Variants in MYO3A observed in about 807,000 individuals in gnomAD.
The protein encoded by MYO3A is myosin IIIA.
In MYO3A, 180 loss-of-function variants were observed where a neutral mutation model predicts 192.7. The observed-to-expected ratio is 0.93, with a 90% CI of 0.83 to 1.06. MYO3A has a LOEUF of 1.06. MYO3A is among the 50% of genes least tolerant of loss of function. The pLI, the probability that MYO3A is intolerant of heterozygous loss-of-function variation, is 0.00. For missense variants in MYO3A, 1,896 were observed against 1,905.0 expected (o/e 1.00, Z 0.09); for synonymous variants, 628 against 645.3 (o/e 0.97, Z 0.41).
intron 4 of MYO3A, among the ~76,000 whole-genome samples, chr10:25,976,935 C>T (rs1015551756): frequency 5.3e-5 from 8 of 151,872 alleles, no homozygotes; most frequent in Non-Finnish European, 7.4e-5. Context: ...CCTAATTATA[C>T]GGTATTTACT....
chr10:26,039,782 C>G (rs976850833), intron 10 of MYO3A, among the ~76,000 whole-genome samples: 1 of 152,006 alleles, frequency 6.6e-6, no homozygotes, highest in African/African-American at 2.4e-5. Flanking sequence ...TTTTCTTAGT[C>G]TGGCTAAAGG....
intron 10 of MYO3A, among the ~76,000 whole-genome samples, chr10:26,034,242 C>T (rs1588828824): frequency 6.6e-6 from 1 of 152,156 alleles, no homozygotes; most frequent in African/African-American, 2.4e-5. Flanking sequence ...TTGGTCCCAA[C>T]TTTGTTTAAT....
At chr10:26,061,618 G>T (rs1467090589) in intron 10 of MYO3A, among the ~76,000 whole-genome samples, 1 of 152,212 alleles carries the variant, frequency 6.6e-6, no homozygotes, top group East Asian at 1.9e-4. Flanking sequence ...TCCATGCCAA[G>T]AAAGTTTTAA....
At chr10:26,200,492 A>T (rs1843632611) in intron 32 of MYO3A, among the ~76,000 whole-genome samples, 1 of 152,250 alleles carries the variant, frequency 6.6e-6, no homozygotes, top group African/African-American at 2.4e-5. Flanking sequence ...ACATGTAAAT[A>T]GATGAGCTCA....
chr10:26,096,477 C>T lies in MYO3A; in HGVS notation c.1659C>T (p.Pro553=). 6.2e-7 allele frequency: 1 copy of T among 1,611,866 alleles called. No individual in the cohort carries two copies. Among genetic ancestry groups the T allele is most frequent in the Non-Finnish European group, 8.5e-7 (1 of 1,178,116 alleles). The part of the protein sequence containing the change: ...AHYKLPENKP[P]RYLQNDHLRT... ...ACAAACTGCCTGAAAATAAGCCTCC[C>T]AGGTAATCTACCAGGTTGAGCTTTC... is the stretch of plus-strand genomic sequence containing the variant. Residue 553 remains proline, a splice_region_variant and synonymous_variant, in exon 16 of 35, where the codon CCC becomes CCT. Coordinates refer to ENST00000642920, the MANE Select transcript of MYO3A (RefSeq NM_017433.5).
At chr10:26,015,963 T>G (rs2131041139) in intron 6 of MYO3A, among the ~76,000 whole-genome samples, 1 of 152,274 alleles carries the variant, frequency 6.6e-6, no homozygotes, top group Non-Finnish European at 1.5e-5. Context: ...GGGAGGCACT[T>G]TTCAAAGCAG....
intron 10 of MYO3A, among the ~76,000 whole-genome samples, chr10:26,042,446 T>C (rs769055151): frequency 6.6e-6 from 1 of 152,150 alleles, no homozygotes; most frequent in Non-Finnish European, 1.5e-5. Context: ...AGTTTTACAT[T>C]TTTCCCTTTT....
chr10:26,072,702 A>AT (rs1248665839), intron 14 of MYO3A, among the ~76,000 whole-genome samples: 142 of 12,496 alleles, frequency 0.011, no homozygotes, highest in African/African-American at 0.079. Flanking sequence ...CTATGTTTAT[A>AT]AAAAAAAAAA....
chr10:26,011,964 T>C (rs1195259327), intron 6 of MYO3A, among the ~76,000 whole-genome samples: 3 of 152,210 alleles, frequency 2.0e-5, no homozygotes, highest in African/African-American at 7.2e-5. Context: ...TCAATAACTG[T>C]AATGAATCAC....
intron 8 of MYO3A, chr10:26,022,443 A>G (rs1588799495): frequency 1.3e-5 from 2 of 152,336 alleles, no homozygotes; most frequent in East Asian, 3.9e-4. Context: ...ACATTAGAAT[A>G]TTTGGCATCT....
intron 29 of MYO3A, among the ~76,000 whole-genome samples, chr10:26,171,751 T>G (rs1842057199): frequency 6.6e-6 from 1 of 152,150 alleles, no homozygotes; most frequent in Non-Finnish European, 1.5e-5. Context: ...ACCTGTGACT[T>G]CTGTACTTCA....
chr10:26,036,229 G>A (rs566602579), intron 10 of MYO3A, among the ~76,000 whole-genome samples: 81 of 151,968 alleles, frequency 5.3e-4, no homozygotes, highest in Non-Finnish European at 1.0e-3. Context: ...GTGAGCCACT[G>A]CGCCCAGCCC....
chr10:26,021,749 C>T, intron 8 of MYO3A, 101 bp downstream of exon 8: 1 of 1,497,454 alleles, frequency 6.7e-7, no homozygotes, highest in South Asian at 1.1e-5. Flanking sequence ...AGATATATTC[C>T]AACAAGTTGG....
At chr10:25,988,592 C>T (rs897255185) in intron 4 of MYO3A, among the ~76,000 whole-genome samples, 1 of 151,990 alleles carries the variant, frequency 6.6e-6, no homozygotes, top group Non-Finnish European at 1.5e-5. Context: ...TGTACTTACC[C>T]AAGAGAAATG....
intron 17 of MYO3A, among the ~76,000 whole-genome samples, chr10:26,119,839 T>C (rs1330535474): frequency 6.6e-6 from 1 of 152,130 alleles, no homozygotes; most frequent in African/African-American, 2.4e-5. Context: ...TAATAACTAC[T>C]ATAAACTCTA....
chr10:26,190,898 C>G (rs531102395), intron 31 of MYO3A, among the ~76,000 whole-genome samples: 2 of 152,220 alleles, frequency 1.3e-5, no homozygotes, highest in African/African-American at 2.4e-5. Context: ...AAAATGAACA[C>G]AAGATCAATA....
chr10:26,137,433 T>C (rs886144415), intron 20 of MYO3A, among the ~76,000 whole-genome samples: 3 of 152,226 alleles, frequency 2.0e-5, no homozygotes, highest in Non-Finnish European at 4.4e-5. Flanking sequence ...TCTCTTAATC[T>C]TGTTATCTTT....
At chr10:26,093,543 T>A (rs1332575899) in intron 15 of MYO3A, among the ~76,000 whole-genome samples, 1 of 152,208 alleles carries the variant, frequency 6.6e-6, no homozygotes, top group Non-Finnish European at 1.5e-5. Context: ...ACCTTCACTT[T>A]TCTTTGCCCC....
chr10:26,164,101 T>G (rs1841611455), intron 26 of MYO3A, among the ~76,000 whole-genome samples: 1 of 152,168 alleles, frequency 6.6e-6, no homozygotes, highest in East Asian at 1.9e-4. Flanking sequence ...TGCTATGTGA[T>G]TAAATGAGAT....
Sources: allele counts gnomAD v4.1 joint callset (sites outside exome capture counted in the v4.1 genomes callset), GRCh38; gene constraint gnomAD v4.1.1; transcripts MANE v1.5; gene names NCBI Gene and HGNC (gene_info 2026-07-23, HGNC 2026-07-21).